MAPKAP1: variants seen among roughly 807,000 people sequenced by gnomAD.
The protein encoded by MAPKAP1 is target of rapamycin complex 2 subunit MAPKAP1.
A neutral mutation model predicts 65.7 loss-of-function variants in MAPKAP1; 20 were observed. The observed-to-expected ratio is 0.30, with a 90% confidence interval of 0.21 to 0.44. The LOEUF (loss-of-function observed/expected upper bound fraction) is 0.44, where lower values mean the gene tolerates loss of function less well. Among genes scored for constraint, MAPKAP1 ranks in the 20% least tolerant of loss-of-function variants. The probability of loss-of-function intolerance (pLI) is 1.00; values close to 1 mark genes in which losing one functional copy is unlikely to be tolerated. For synonymous variants in MAPKAP1, 222 were observed against 244.3 expected (o/e 0.91, Z 0.85); for missense variants, 423 against 648.0 (o/e 0.65, Z 3.77).
intron 1 of MAPKAP1, among the ~76,000 whole-genome samples, chr9:125,698,959 T>C (rs1835515748): frequency 6.6e-6 from 1 of 152,166 alleles, no homozygotes; most frequent in African/African-American, 2.4e-5. Flanking sequence ...GACCACTCCA[T>C]CAAATCATTG....
chr9:125,658,306 G>A (rs1446080698), intron 3 of MAPKAP1, among the ~76,000 whole-genome samples: 2 of 152,196 alleles, frequency 1.3e-5, no homozygotes, highest in Admixed American at 1.3e-4. Context: ...TGCCAAAGAT[G>A]AAGAGGAGAA....
intron 8 of MAPKAP1, among the ~76,000 whole-genome samples, chr9:125,490,427 T>C (rs1445832848): frequency 6.6e-6 from 1 of 152,018 alleles, no homozygotes; most frequent in Non-Finnish European, 1.5e-5. Context: ...TAATCTTAGC[T>C]ACTTGGGAGG....
chr9:125,529,226 A>G (rs1829866537), intron 7 of MAPKAP1, among the ~76,000 whole-genome samples: 1 of 151,896 alleles, frequency 6.6e-6, no homozygotes, highest in African/African-American at 2.4e-5. Context: ...AGAAAATGGA[A>G]GGACTAACAA....
In MAPKAP1 at chr9:125,657,672, C is replaced by G; in HGVS notation, c.477G>C (p.Glu159Asp). 1 of 1,606,088 alleles carries G rather than the reference C, an allele frequency of 6.2e-7. No homozygotes were observed. The highest frequency in any genetic ancestry group is 8.5e-7 in the Non-Finnish European group (1 of 1,177,382). The change falls in exon 4 of 12, where the codon GAG becomes GAC. Residue 159 changes from glutamate (E) to aspartate (D), a missense_variant. This residue lies in a region of MAPKAP1 where 98 missense variants were observed against 200.5 expected (regional missense o/e 0.49). Transcript: ENST00000265960. ...CPLQLNNPFN[E>D]YSKFDGKGHV... ...TTACCTTGCCATCAAATTTGGAATA[C>G]TCGTTAAAAGGGTTATTCAGCTGCA...
intron 5 of MAPKAP1, among the ~76,000 whole-genome samples, chr9:125,580,985 T>C (rs920853860): frequency 1.3e-5 from 2 of 152,254 alleles, no homozygotes; most frequent in African/African-American, 4.8e-5. Flanking sequence ...CTTTTAGAGA[T>C]TGGTTTTTTT....
intron 4 of MAPKAP1, among the ~76,000 whole-genome samples, chr9:125,632,816 G>C (rs1188554273): frequency 6.6e-6 from 1 of 152,080 alleles, no homozygotes; most frequent in Non-Finnish European, 1.5e-5. Context: ...TCTGTGCCTC[G>C]TCTCTCAGCC....
intron 5 of MAPKAP1, among the ~76,000 whole-genome samples, chr9:125,571,665 T>C (rs901411186): frequency 6.7e-6 from 1 of 150,238 alleles, no homozygotes; most frequent in African/African-American, 2.5e-5. Context: ...GAGACGAGCA[T>C]GGCCAACGCA....
intron 9 of MAPKAP1, among the ~76,000 whole-genome samples, chr9:125,468,440 T>C (rs1853769298): frequency 1.3e-5 from 2 of 152,230 alleles, no homozygotes; most frequent in South Asian, 4.1e-4. Flanking sequence ...ATTATCTCTA[T>C]ATTGTAATGA....
chr9:125,543,249 A>T, intron 6 of MAPKAP1, 81 bp from the exon 7 acceptor site: 1 of 1,051,552 alleles, frequency 9.5e-7, no homozygotes, highest in Non-Finnish European at 1.5e-6. Context: ...TGTTTAAGCA[A>T]GTTTTTTTTG....
chr9:125,617,461 T>C (rs1301995956), intron 4 of MAPKAP1, among the ~76,000 whole-genome samples: 1 of 152,138 alleles, frequency 6.6e-6, no homozygotes, highest in Non-Finnish European at 1.5e-5. Flanking sequence ...TATCTCAAAA[T>C]AAAATAAATC....
chr9:125,706,052 C>T (rs1835747677), intron 1 of MAPKAP1, among the ~76,000 whole-genome samples: 1 of 152,128 alleles, frequency 6.6e-6, no homozygotes, highest in African/African-American at 2.4e-5. Flanking sequence ...TACCAGCATG[C>T]CCCAAATCCC....
intron 5 of MAPKAP1, among the ~76,000 whole-genome samples, chr9:125,564,626 G>A (rs1336097697): frequency 1.3e-5 from 2 of 152,096 alleles, no homozygotes; most frequent in South Asian, 2.1e-4. Flanking sequence ...TTTCTCTACC[G>A]AGTTCTGGAA....
At chr9:125,678,781 T>C (rs1834732896) in intron 1 of MAPKAP1, among the ~76,000 whole-genome samples, 1 of 152,136 alleles carries the variant, frequency 6.6e-6, no homozygotes, top group African/African-American at 2.4e-5. Context: ...CATCACGTCT[T>C]AATATAATTT....
intron 8 of MAPKAP1, among the ~76,000 whole-genome samples, chr9:125,501,138 G>C (rs10986778): frequency 0.2 from 29,813 of 152,100 alleles, 3,520 homozygotes; most frequent in Non-Finnish European, 0.27. Flanking sequence ...TTCCTTCTTA[G>C]AAAGTCATGC....
chr9:125,458,403 G>T (rs1223140330), intron 10 of MAPKAP1, among the ~76,000 whole-genome samples: 1 of 151,848 alleles, frequency 6.6e-6, no homozygotes, highest in African/African-American at 2.4e-5. Flanking sequence ...TTGAGATTAG[G>T]GAGTGGTGAT....
intron 8 of MAPKAP1, among the ~76,000 whole-genome samples, chr9:125,505,169 C>A (rs1029193733): frequency 6.6e-6 from 1 of 152,138 alleles, no homozygotes; most frequent in Non-Finnish European, 1.5e-5. Flanking sequence ...CGGTGGCTCA[C>A]GCCTGTAATC....
chr9:125,483,414 C>T (rs761263509), intron 9 of MAPKAP1, among the ~76,000 whole-genome samples: 1 of 152,132 alleles, frequency 6.6e-6, no homozygotes, highest in South Asian at 2.1e-4. Flanking sequence ...AGGCCTCTTA[C>T]GAGTTAGCCA....
At chr9:125,489,074 C>T (rs1854606428) in intron 8 of MAPKAP1, among the ~76,000 whole-genome samples, 1 of 152,100 alleles carries the variant, frequency 6.6e-6, no homozygotes, top group Admixed American at 6.5e-5. Flanking sequence ...AATTACTCTA[C>T]GACAACCTTC....
At chr9:125,688,723 G>A (rs936412263) in intron 1 of MAPKAP1, among the ~76,000 whole-genome samples, 1 of 152,050 alleles carries the variant, frequency 6.6e-6, no homozygotes, top group African/African-American at 2.4e-5. Flanking sequence ...TTAGCTGGCC[G>A]TAAGACCCTC....
Sources: gnomAD v4.1 joint callset for allele counts (sites outside exome capture counted in the v4.1 genomes callset) on GRCh38, gnomAD v4.1.1 for gene constraint, gnomAD v4.1.1 regional missense constraint, MANE v1.5 for transcripts, NCBI Gene and HGNC (gene_info 2026-07-23, HGNC 2026-07-21) for gene names.